Variants in TSPEAR observed in about 807,000 individuals in gnomAD.
TSPEAR encodes thrombospondin-type laminin G domain and EAR repeat-containing protein.
In TSPEAR, 69 loss-of-function variants were observed where a neutral mutation model predicts 71.6. That is an observed-to-expected ratio of 0.96 (90% CI 0.79 to 1.18). TSPEAR has a LOEUF of 1.18. Ranked by LOEUF, TSPEAR falls within the 50% of genes most tolerant of loss-of-function variation. TSPEAR has a pLI of 0.00. For missense variants in TSPEAR, 971 were observed against 894.9 expected (o/e 1.09, Z -1.09); for synonymous variants, 402 against 387.2 (o/e 1.04, Z -0.45).
intron 10 of TSPEAR, chr21:44,508,560 C>T (rs1247655152): frequency 8.7e-7 from 1 of 1,143,922 alleles, no homozygotes; most frequent in Non-Finnish European, 1.1e-6. Flanking sequence ...CCAGAGGACG[C>T]CCCACACTGG....
chr21:44,630,818 A>T (rs896754963), intron 1 of TSPEAR, among the ~76,000 whole-genome samples: 26 of 152,336 alleles, frequency 1.7e-4, no homozygotes, highest in African/African-American at 6.3e-4. Context: ...AACTCTGTCT[A>T]ATTACTATCT....
intron 9 of TSPEAR, among the ~76,000 whole-genome samples, chr21:44,516,852 C>T (rs1039566826): frequency 2.6e-5 from 4 of 152,184 alleles, no homozygotes; most frequent in Non-Finnish European, 4.4e-5. Flanking sequence ...GTTGTCCCCT[C>T]CTGGGTATGG....
chr21:44,503,721 G>A (rs1260454598), intron 11 of TSPEAR, among the ~76,000 whole-genome samples: 41 of 118,542 alleles, frequency 3.5e-4, no homozygotes, highest in South Asian at 5.7e-4. Context: ...AGCCCTCGGC[G>A]GGAAGCAAGG....
chr21:44,511,262 A>T (rs1169362599), intron 9 of TSPEAR, among the ~76,000 whole-genome samples: 1 of 152,180 alleles, frequency 6.6e-6, no homozygotes, highest in South Asian at 2.1e-4. Flanking sequence ...GCACACCTGC[A>T]TGTATGCATA....
At chr21:44,619,852 A>G (rs1402977454) in intron 1 of TSPEAR, among the ~76,000 whole-genome samples, 2 of 152,236 alleles carry the variant, frequency 1.3e-5, no homozygotes, top group East Asian at 3.8e-4. Flanking sequence ...GAGAGAATGA[A>G]GAAAAATAAA....
At chr21:44,528,060 G>A (rs2052892958) in intron 6 of TSPEAR, among the ~76,000 whole-genome samples, 1 of 152,178 alleles carries the variant, frequency 6.6e-6, no homozygotes, top group Admixed American at 6.5e-5. Flanking sequence ...CTGCAGGGAG[G>A]CAGGCATTGT....
intron 2 of TSPEAR, among the ~76,000 whole-genome samples, chr21:44,553,789 G>A (rs1218600729): frequency 1.3e-5 from 2 of 152,168 alleles, no homozygotes; most frequent in African/African-American, 2.4e-5. Flanking sequence ...CAGGCAAGAC[G>A]AATAATACAC....
chr21:44,612,937 C>T lies in TSPEAR; in HGVS notation c.83-44932G>A, dbSNP rs587632942. ...GATGGGCACGTCCCCCAGGGCCAGC[C>T]GGCTCCGGTCCTGTCCTGGGTTAAG... On this transcript the variant is annotated intron_variant, in intron 1 of 11. Transcript: ENST00000323084. The surrounding 1 kb of genome is among the most constrained non-coding windows in gnomAD (Gnocchi z 4.1). The T allele has an allele frequency of 2.0e-5, 32 of 1,592,086 alleles. No individual in the cohort carries two copies. The highest frequency in any genetic ancestry group is 2.3e-5 in the Non-Finnish European group (27 of 1,172,246).
intron 2 of TSPEAR, among the ~76,000 whole-genome samples, chr21:44,565,996 A>G (rs371011182): frequency 1.9e-4 from 29 of 152,318 alleles, no homozygotes; most frequent in African/African-American, 7.0e-4. Context: ...CCTGGCCAAC[A>G]TGGCGAAACC....
chr21:44,616,025 G>A (rs1982069610), intron 1 of TSPEAR, among the ~76,000 whole-genome samples: 1 of 152,210 alleles, frequency 6.6e-6, no homozygotes, highest in Non-Finnish European at 1.5e-5. Flanking sequence ...ACATCCCCCA[G>A]CGGAGGCCAC....
chr21:44,553,340 T>A (rs1423165211), intron 2 of TSPEAR, among the ~76,000 whole-genome samples: 2 of 152,046 alleles, frequency 1.3e-5, no homozygotes, highest in Non-Finnish European at 2.9e-5. Flanking sequence ...AGTCTCCGAT[T>A]CTAAAAATAA....
At chr21:44,567,645 G>A in intron 2 of TSPEAR, 140 bp downstream of exon 2, 2 of 642,882 alleles carry the variant, frequency 3.1e-6, no homozygotes, top group South Asian at 4.1e-5. Flanking sequence ...TACCTAGCAA[G>A]GCCAGCCACT....
At chr21:44,638,750 G>C (rs1046932791) in intron 1 of TSPEAR, among the ~76,000 whole-genome samples, 5 of 151,992 alleles carry the variant, frequency 3.3e-5, no homozygotes, top group Non-Finnish European at 7.4e-5. Context: ...CTGGAACCAA[G>C]GCCAGGAGTT....
intron 1 of TSPEAR, among the ~76,000 whole-genome samples, chr21:44,616,768 G>T (rs191287206): frequency 1.3e-5 from 2 of 152,342 alleles, no homozygotes; most frequent in South Asian, 4.1e-4. Flanking sequence ...CAGAGTCTGC[G>T]GTGTGACCAC....
At position 44,558,386 on chromosome 21, in the gene TSPEAR, A is replaced by G. The variant is rs587684193; in HGVS notation, c.303+9399T>C. 1.5e-4 allele frequency: 237 copies of G among 1,612,534 alleles called. No individual in the cohort carries two copies. In the South Asian group the frequency reaches 1.8e-3, roughly 12 times the overall value. On this transcript the variant is annotated intron_variant, in intron 2 of 11. Transcript: ENST00000323084. ...AGACAGGCTTGCAGCAGACGGGCAC[A>G]CAGCAGACTGGCTTGCAGCAGACAG... is the stretch of plus-strand genomic sequence containing the variant.
intron 1 of TSPEAR, among the ~76,000 whole-genome samples, chr21:44,661,391 A>G (rs1985489296): frequency 6.6e-6 from 1 of 152,228 alleles, no homozygotes; most frequent in African/African-American, 2.4e-5. Context: ...ACATGGCAAC[A>G]ATAACACGAG....
chr21:44,538,023 C>T (rs2053120097), intron 2 of TSPEAR, among the ~76,000 whole-genome samples: 1 of 152,154 alleles, frequency 6.6e-6, no homozygotes, highest in South Asian at 2.1e-4. Context: ...CCCCCAGGCT[C>T]CACCTCACTT....
Position 44,558,754 on chromosome 21 carries a change from TGAGTGAGTGTGG to T in TSPEAR, c.303+9019_303+9030del, listed in dbSNP as rs781960126. 9.9e-5 allele frequency: 155 copies of T among 1,568,190 alleles called. No individual in the cohort carries two copies. The East Asian group carries it at 2.2e-3, about 22-fold the overall frequency. ...GGAGGTGAGCTGGGGGAGACGTGAG[TGAGTGAGTGTGG>T]GAGTGAGTGAGGGAGTGAGTGAGTG... On this transcript the variant is annotated intron_variant, in intron 2 of 11. Transcript: ENST00000323084.
intron 11 of TSPEAR, among the ~76,000 whole-genome samples, chr21:44,504,160 C>T (rs587771366): frequency 7.1e-6 from 1 of 140,114 alleles, no homozygotes; most frequent in African/African-American, 2.7e-5. Context: ...GGAAGCAAGT[C>T]TCTTGGAGGA....
Sources: gnomAD v4.1 joint callset for allele counts (sites outside exome capture counted in the v4.1 genomes callset) on GRCh38, gnomAD v4.1.1 for gene constraint, Gnocchi (gnomAD v3.1) non-coding constraint, MANE v1.5 for transcripts, NCBI Gene and HGNC (gene_info 2026-07-23, HGNC 2026-07-21) for gene names.